The following RMDN2 variants were observed in gnomAD, a reference collection of about 807,000 sequenced individuals.
The protein encoded by RMDN2 is regulator of microtubule dynamics protein 2.
Under a neutral mutation model 52.8 loss-of-function variants are expected in RMDN2, and 61 were observed. The observed-to-expected ratio is 1.16, with a 90% CI of 0.94 to 1.43. The LOEUF (loss-of-function observed/expected upper bound fraction) is 1.43, where lower values mean the gene tolerates loss of function less well. Among genes scored for constraint, RMDN2 ranks in the 40% most tolerant of loss-of-function variants. The pLI, the probability that RMDN2 is intolerant of heterozygous loss-of-function variation, is 0.00. For missense variants in RMDN2, 592 were observed against 475.3 expected (o/e 1.25, Z -2.28); for synonymous variants, 180 against 153.1 (o/e 1.18, Z -1.30).
chr2:37,955,250 G>A (rs1024493463), intron 2 of RMDN2, among the ~76,000 whole-genome samples: 2 of 152,076 alleles, frequency 1.3e-5, no homozygotes, highest in Non-Finnish European at 2.9e-5. Context: ...AAGTGATAAA[G>A]AGCACCCTTG....
intron 10 of RMDN2, among the ~76,000 whole-genome samples, chr2:38,057,033 A>C (rs138902336): frequency 5.4e-4 from 82 of 152,328 alleles, no homozygotes; most frequent in African/African-American, 1.7e-3. Flanking sequence ...AGCAGCATCA[A>C]CTGTCCAGGG....
At chr2:37,932,143 G>A (rs1206715632) in intron 2 of RMDN2, among the ~76,000 whole-genome samples, 5 of 151,828 alleles carry the variant, frequency 3.3e-5, no homozygotes, top group South Asian at 2.1e-4. Flanking sequence ...GACAGTAGTG[G>A]AGGGAAGGTC....
rs1009019763 is a variant in RMDN2 at position 37,969,628 on chromosome 2, G to A, written c.453-4412G>A. Among the ~76,000 whole-genome samples the A allele has an allele frequency of 7.2e-5, 11 of 151,930 alleles. No individual in the cohort carries two copies. The South Asian group carries it at 1.7e-3, about 23-fold the overall frequency. On this transcript the variant is annotated intron_variant, in intron 2 of 10. Transcript: ENST00000354545. ...CTATTGAATAATCTTCAAAAAATAA[G>A]ATTGTTTCTTTTTTCCAATTATTAT...
chr2:38,063,669 T>C (rs1682147261), intron 10 of RMDN2, among the ~76,000 whole-genome samples: 1 of 152,078 alleles, frequency 6.6e-6, no homozygotes, highest in South Asian at 2.1e-4. Flanking sequence ...AAAGGGCTAA[T>C]ATCCAGAATC....
upstream of RMDN2, among the ~76,000 whole-genome samples, chr2:37,925,010 T>C (rs1487786902): frequency 6.6e-6 from 1 of 151,888 alleles, no homozygotes; most frequent in African/African-American, 2.4e-5. Flanking sequence ...GAGCTGGCGG[T>C]GGGCGTGCGG....
chr2:37,980,422 G>C (rs1393363612), intron 4 of RMDN2, among the ~76,000 whole-genome samples: 1 of 152,110 alleles, frequency 6.6e-6, no homozygotes, highest in South Asian at 2.1e-4. Flanking sequence ...TCCTGCCTCA[G>C]CCTCCTGAGT....
Position 38,007,763 on chromosome 2 carries a change from A to G in RMDN2, c.1179+3547A>G, listed in dbSNP as rs369617887. Among the ~76,000 whole-genome samples the G allele has an allele frequency of 4.5e-4, 65 of 145,882 alleles. No homozygotes were observed. In the East Asian group the frequency reaches 0.012, roughly 26 times the overall value. On this transcript the variant is annotated intron_variant, in intron 10 of 10. Coordinates refer to ENST00000354545, the MANE Select transcript of RMDN2 (RefSeq NM_001170791.3). Reference sequence around the variant, plus strand: ...CTTCTGCTAGCTTTTGAATGTGTTTACTCTTGCTTCTCTAGTTCTTTTAAT... The same window carrying G: ...CTTCTGCTAGCTTTTGAATGTGTTTGCTCTTGCTTCTCTAGTTCTTTTAAT...
intron 5 of RMDN2, among the ~76,000 whole-genome samples, chr2:37,986,182 G>C (rs184933130): frequency 4.8e-4 from 73 of 152,268 alleles, no homozygotes; most frequent in Non-Finnish European, 7.2e-4. Context: ...GGAAGGATTA[G>C]AATTGTTCCC....
chr2:38,015,559 G>A (rs1337780013), intron 10 of RMDN2, among the ~76,000 whole-genome samples: 2 of 131,462 alleles, frequency 1.5e-5, no homozygotes, highest in African/African-American at 5.8e-5. Context: ...GCGAGACTCC[G>A]TCTCAAAAAA....
chr2:37,995,322 GACTACTACTACTACTACT>G (rs3056282), intron 7 of RMDN2, among the ~76,000 whole-genome samples: 6 of 147,156 alleles, frequency 4.1e-5, no homozygotes, highest in Admixed American at 1.4e-4. Context: ...AAGAGGGGAT[GACTACTACTACTACTACT>G]ACTACTACTA....
chr2:38,006,719 T>C (rs1489364175), intron 10 of RMDN2, among the ~76,000 whole-genome samples: 1 of 152,218 alleles, frequency 6.6e-6, no homozygotes, highest in African/African-American at 2.4e-5. Flanking sequence ...CTGATTGCCC[T>C]GGCCAGTACT....
At chr2:38,020,937 G>A (rs1467804458), downstream of RMDN2, among the ~76,000 whole-genome samples, 2 of 152,254 alleles carry the variant, frequency 1.3e-5, no homozygotes, top group Non-Finnish European at 2.9e-5. Flanking sequence ...CTGTGGCCGG[G>A]TCTGGGATCC....
At chr2:38,062,893 T>G (rs1182452523) in intron 10 of RMDN2, among the ~76,000 whole-genome samples, 1 of 152,000 alleles carries the variant, frequency 6.6e-6, no homozygotes, top group Non-Finnish European at 1.5e-5. Context: ...CTGCCATAGT[T>G]TGCTGAGAAT....
chr2:37,950,435 A>G (rs996446461), intron 2 of RMDN2: 4 of 1,608,388 alleles, frequency 2.5e-6, no homozygotes, highest in Non-Finnish European at 3.4e-6. Context: ...TGCTGTCATC[A>G]CATTCTGTGT....
chr2:37,942,734 G>T (rs898829829), intron 2 of RMDN2, among the ~76,000 whole-genome samples: 2 of 152,142 alleles, frequency 1.3e-5, no homozygotes, highest in African/African-American at 4.8e-5. Context: ...TTTAAAAAAA[G>T]AAAAGTCACA....
chr2:37,972,477 A>C (rs1310789640), intron 2 of RMDN2, among the ~76,000 whole-genome samples: 1 of 152,174 alleles, frequency 6.6e-6, no homozygotes, highest in Non-Finnish European at 1.5e-5. Context: ...AAGTGATAGA[A>C]GATAAGACCA....
At chr2:37,994,943 A>G (rs2373327) in intron 7 of RMDN2, among the ~76,000 whole-genome samples, 63,639 of 151,974 alleles carry the variant, frequency 0.42, 14,649 homozygotes, top group East Asian at 0.77. Context: ...AACTCTAGAA[A>G]AGGCAAATTA....
chr2:37,942,766 T>C (rs973413148), intron 2 of RMDN2, among the ~76,000 whole-genome samples: 1 of 152,242 alleles, frequency 6.6e-6, no homozygotes, highest in Admixed American at 6.5e-5. Flanking sequence ...GGTCCCCTTA[T>C]TCATTCAGTG....
chr2:37,950,721 T>A, intron 2 of RMDN2: 1 of 891,182 alleles, frequency 1.1e-6, no homozygotes, highest in East Asian at 2.5e-5. Flanking sequence ...GATATTCACT[T>A]GAAACATTCT....
Sources: gnomAD v4.1 joint callset for allele counts (sites outside exome capture counted in the v4.1 genomes callset) on GRCh38, gnomAD v4.1.1 for gene constraint, MANE v1.5 for transcripts, NCBI Gene and HGNC (gene_info 2026-07-23, HGNC 2026-07-21) for gene names.